Variants in ASTN2 observed in about 807,000 individuals in gnomAD.
ASTN2 encodes astrotactin-2.
A neutral mutation model predicts 139.8 loss-of-function variants in ASTN2; 54 were observed. That is an observed-to-expected ratio of 0.39 (90% CI 0.31 to 0.48). The LOEUF (loss-of-function observed/expected upper bound fraction) is 0.48. Among genes scored for constraint, ASTN2 ranks in the 20% least tolerant of loss-of-function variants. The probability of loss-of-function intolerance (pLI) is 0.95; values close to 1 mark genes in which losing one functional copy is unlikely to be tolerated. For synonymous variants in ASTN2, 756 were observed against 719.5 expected (o/e 1.05, Z -0.81); for missense variants, 1,565 against 1,725.1 (o/e 0.91, Z 1.64).
intron 3 of ASTN2, among the ~76,000 whole-genome samples, chr9:117,186,118 C>T (rs1831190180): frequency 6.6e-6 from 1 of 152,064 alleles, no homozygotes; most frequent in South Asian, 2.1e-4. Context: ...CTTCGGTCTC[C>T]TCATCTGAAA....
chr9:117,347,663 T>C (rs955012792), intron 1 of ASTN2, among the ~76,000 whole-genome samples: 6 of 152,212 alleles, frequency 3.9e-5, no homozygotes, highest in African/African-American at 1.4e-4. Context: ...AAATGTTTTT[T>C]CTGAAAATCA....
At chr9:117,060,943 C>A (rs1311520446) in intron 5 of ASTN2, among the ~76,000 whole-genome samples, 2 of 151,838 alleles carry the variant, frequency 1.3e-5, no homozygotes, top group Non-Finnish European at 2.9e-5. Context: ...ATAAAGTAGA[C>A]ACGATAGAAT....
chr9:116,548,138 C>G (rs182090340), intron 19 of ASTN2, among the ~76,000 whole-genome samples: 2 of 152,310 alleles, frequency 1.3e-5, no homozygotes, highest in African/African-American at 4.8e-5. Flanking sequence ...GAGCGATTCC[C>G]GTAAGGCACT....
intron 19 of ASTN2, among the ~76,000 whole-genome samples, chr9:116,606,247 G>T (rs1344008514): frequency 6.6e-6 from 1 of 152,140 alleles, no homozygotes; most frequent in African/African-American, 2.4e-5. Flanking sequence ...TCCTAACAGC[G>T]TCCCGGAACT....
At chr9:117,060,963 G>A (rs971544568) in intron 5 of ASTN2, among the ~76,000 whole-genome samples, 10 of 152,062 alleles carry the variant, frequency 6.6e-5, no homozygotes, top group African/African-American at 2.4e-4. Flanking sequence ...TTTACACTAG[G>A]AAAATTGGCA....
chr9:116,992,937 CCT>C (rs1836900130), intron 7 of ASTN2, among the ~76,000 whole-genome samples: 1 of 152,176 alleles, frequency 6.6e-6, no homozygotes, highest in Admixed American at 6.5e-5. Context: ...CTTTTCCCAC[CCT>C]GATCCAAGCC....
chr9:116,617,451 T>C (rs1855911269), intron 19 of ASTN2, among the ~76,000 whole-genome samples: 1 of 152,194 alleles, frequency 6.6e-6, no homozygotes, highest in African/African-American at 2.4e-5. Context: ...TATAATTTAA[T>C]TGGGCAAATA....
At chr9:117,210,463 T>C (rs1216732086) in intron 3 of ASTN2, among the ~76,000 whole-genome samples, 1 of 151,762 alleles carries the variant, frequency 6.6e-6, no homozygotes, top group Non-Finnish European at 1.5e-5. Flanking sequence ...ACAGAGAAAA[T>C]GGATAAATTT....
intron 5 of ASTN2, among the ~76,000 whole-genome samples, chr9:117,050,463 T>C (rs1037660193): frequency 2.0e-5 from 3 of 152,014 alleles, no homozygotes; most frequent in African/African-American, 7.2e-5. Context: ...TACTCCTGCT[T>C]CCTCCCCTGC....
At chr9:117,394,286 C>G (rs1404964066) in intron 1 of ASTN2, among the ~76,000 whole-genome samples, 1 of 152,124 alleles carries the variant, frequency 6.6e-6, no homozygotes, top group East Asian at 1.9e-4. Flanking sequence ...CGTTCTATGT[C>G]TATGTTATTC....
chr9:116,718,313 G>A (rs898631164), intron 16 of ASTN2, among the ~76,000 whole-genome samples: 3 of 152,168 alleles, frequency 2.0e-5, no homozygotes, highest in Non-Finnish European at 4.4e-5. Flanking sequence ...CAGAAAGCAC[G>A]GAGACACACA....
intron 17 of ASTN2, among the ~76,000 whole-genome samples, chr9:116,629,695 CCT>C (rs1028262397): frequency 6.6e-6 from 1 of 152,106 alleles, no homozygotes; most frequent in African/African-American, 2.4e-5. Context: ...CCTAATTTCC[CCT>C]GTCAGGATAA....
intron 10 of ASTN2, among the ~76,000 whole-genome samples, chr9:116,943,638 C>A (rs1256003969): frequency 6.6e-6 from 1 of 152,122 alleles, no homozygotes; most frequent in Non-Finnish European, 1.5e-5. Flanking sequence ...AGATCAAAAT[C>A]ATCACGGCTT....
intron 1 of ASTN2, among the ~76,000 whole-genome samples, chr9:117,371,548 A>G (rs1466361971): frequency 6.6e-6 from 1 of 152,124 alleles, no homozygotes; most frequent in African/African-American, 2.4e-5. Context: ...GTGGATTTGA[A>G]TCCCATCTTC....
At chr9:116,710,674 G>A (rs759589445) in intron 16 of ASTN2, among the ~76,000 whole-genome samples, 20 of 149,334 alleles carry the variant, frequency 1.3e-4, no homozygotes, top group Admixed American at 2.0e-4. Flanking sequence ...TGGAGGTTGC[G>A]GTGAGCTGAG....
chr9:116,717,447 C>G (rs1193741924), intron 16 of ASTN2, among the ~76,000 whole-genome samples: 3 of 152,116 alleles, frequency 2.0e-5, no homozygotes, highest in Non-Finnish European at 4.4e-5. Flanking sequence ...TAGTGAGTGT[C>G]AAGCTCATAT....
intron 3 of ASTN2, among the ~76,000 whole-genome samples, chr9:117,203,524 G>A (rs914577451): frequency 5.9e-5 from 9 of 151,972 alleles, no homozygotes; most frequent in Non-Finnish European, 8.8e-5. Context: ...GGTTTTTGTG[G>A]GGGCCTTTGT....
chr9:117,023,856 G>A (rs1248425108), intron 6 of ASTN2, among the ~76,000 whole-genome samples: 1 of 152,154 alleles, frequency 6.6e-6, no homozygotes, highest in Non-Finnish European at 1.5e-5. Context: ...GAAGGATGGG[G>A]ACTGAAATAG....
chr9:116,927,106 C>A (rs1262009135), intron 10 of ASTN2, among the ~76,000 whole-genome samples: 2 of 152,186 alleles, frequency 1.3e-5, no homozygotes, highest in South Asian at 2.1e-4. Context: ...CAAAGAAACC[C>A]ATTTTCATTG....
Sources: gnomAD v4.1 joint callset for allele counts (sites outside exome capture counted in the v4.1 genomes callset) on GRCh38, gnomAD v4.1.1 for gene constraint, MANE v1.5 for transcripts, NCBI Gene and HGNC (gene_info 2026-07-23, HGNC 2026-07-21) for gene names.